CDH23: variants seen among roughly 807,000 people sequenced by gnomAD.
The protein encoded by CDH23 is cadherin-23.
Under a neutral mutation model 317.1 loss-of-function variants are expected in CDH23, and 189 were observed. That is an observed-to-expected ratio of 0.60 (90% CI 0.53 to 0.67). The LOEUF (loss-of-function observed/expected upper bound fraction) is 0.67. Ranked by LOEUF, CDH23 falls within the 30% of genes least tolerant of loss-of-function variation. The pLI is 0.00. For missense variants in CDH23, 4,401 were observed against 4,592.4 expected, an observed-to-expected ratio of 0.96 and a Z score of 1.20; for synonymous variants, 1,839 against 1,876.8, an observed-to-expected ratio of 0.98 and a Z score of 0.52.
At chr10:71,502,478 G>A (rs987133121) in intron 3 of CDH23, among the ~76,000 whole-genome samples, 3 of 152,302 alleles carry the variant, frequency 2.0e-5, no homozygotes, top group Non-Finnish European at 4.4e-5. Flanking sequence ...TGAGGGATGG[G>A]GAAGAGGAGA....
intron 1 of CDH23, among the ~76,000 whole-genome samples, chr10:71,418,165 A>G (rs1376820371): frequency 6.6e-6 from 1 of 152,106 alleles, no homozygotes; most frequent in African/African-American, 2.4e-5. Flanking sequence ...TGAGTCACCT[A>G]TGGGCTTGTT....
At chr10:71,767,777 C>T (rs568522873) in intron 38 of CDH23, among the ~76,000 whole-genome samples, 1 of 152,328 alleles carries the variant, frequency 6.6e-6, no homozygotes, top group South Asian at 2.1e-4. Context: ...TGATACCTGC[C>T]CCCGCAGGAA....
chr10:71,812,410 T>C, intron 66 of CDH23, 70 bp from the exon 67 acceptor site: 1 of 1,608,678 alleles, frequency 6.2e-7, no homozygotes, highest in African/African-American at 1.3e-5. Context: ...GGATGTGGGG[T>C]GAGGCTGGAA....
intron 6 of CDH23, among the ~76,000 whole-genome samples, chr10:71,561,437 C>A (rs1371619518): frequency 6.6e-6 from 1 of 152,116 alleles, no homozygotes; most frequent in Non-Finnish European, 1.5e-5. Context: ...AGCAACCTAG[C>A]CACCTCTGGA....
intron 6 of CDH23, among the ~76,000 whole-genome samples, chr10:71,556,031 G>A (rs1170466673): frequency 6.6e-6 from 1 of 152,218 alleles, no homozygotes; most frequent in South Asian, 2.1e-4. Flanking sequence ...CCAAAGGAAG[G>A]CAGGTCAAAA....
chr10:71,550,579 A>AAAAAAAAAAAAAAAAAAAAAG (rs1564647432), intron 6 of CDH23, among the ~76,000 whole-genome samples: 9 of 121,208 alleles, frequency 7.4e-5, no homozygotes, highest in East Asian at 2.5e-4. Context: ...AAAAAAAAAG[A>AAAAAAAAAAAAAAAAAAAAAG]AAAAAGAAAA....
rs941177596 is a variant in CDH23 at position 71,806,173 on chromosome 10, C to G, written c.8070C>G (p.Ile2690Met). ...DRESQAVYSL[I>M]LVASDLGQPV... Reference sequence around the variant, plus strand: ...CTGTGCTCTTCCGCTCCTAGCTCATCTTGGTGGCCAGCGACCTGGGCCAGC... The same window carrying G: ...CTGTGCTCTTCCGCTCCTAGCTCATGTTGGTGGCCAGCGACCTGGGCCAGC... The change falls in exon 57 of 70, where the codon ATC becomes ATG. Residue 2690 changes from isoleucine to methionine, a missense_variant. Around this residue, in one of 3 missense-constraint regions of CDH23, gnomAD observed 1,144 missense variants for 1,138.2 expected, o/e 1.01. Coordinates refer to ENST00000224721, the MANE Select transcript of CDH23 (RefSeq NM_022124.6). 3 of 1,562,398 alleles carry G rather than the reference C, an allele frequency of 1.9e-6. No homozygotes were observed. Among genetic ancestry groups the G allele is most frequent in the Non-Finnish European group, 1.7e-6 (2 of 1,153,874 alleles).
intron 38 of CDH23, among the ~76,000 whole-genome samples, chr10:71,742,194 A>G (rs1437992375): frequency 1.3e-5 from 2 of 152,130 alleles, no homozygotes; most frequent in African/African-American, 2.4e-5. Flanking sequence ...GAGCAGCTCT[A>G]TGGGGTGGTA....
chr10:71,507,917 C>A (rs1853736067), intron 3 of CDH23, among the ~76,000 whole-genome samples: 1 of 152,210 alleles, frequency 6.6e-6, no homozygotes, highest in Non-Finnish European at 1.5e-5. Context: ...TTGTGGCTCA[C>A]CATTGTGCTT....
intron 6 of CDH23, among the ~76,000 whole-genome samples, chr10:71,515,035 C>T (rs753010395): frequency 4.6e-5 from 7 of 152,236 alleles, no homozygotes; most frequent in African/African-American, 7.2e-5. Flanking sequence ...AGGGCCACCC[C>T]CTCAGCCCTC....
At chr10:71,583,245 G>A (rs1223978748) in intron 9 of CDH23, among the ~76,000 whole-genome samples, 3 of 152,144 alleles carry the variant, frequency 2.0e-5, no homozygotes, top group East Asian at 1.9e-4. Flanking sequence ...CAGGGGAGGC[G>A]GGGTGGGGGC....
chr10:71,435,002 G>T (rs957553072), intron 1 of CDH23, among the ~76,000 whole-genome samples: 2 of 152,190 alleles, frequency 1.3e-5, no homozygotes, highest in African/African-American at 4.8e-5. Context: ...GGCTCGCTGA[G>T]TAGATGCCAC....
At chr10:71,451,468 T>C (rs2132036057) in intron 3 of CDH23, among the ~76,000 whole-genome samples, 1 of 152,314 alleles carries the variant, frequency 6.6e-6, no homozygotes, top group African/African-American at 2.4e-5. Context: ...TCGCTAGCTC[T>C]ACTTCATCTG....
In CDH23 at chr10:71,809,984, GAGATC is replaced by G; in HGVS notation, c.8888_8892del (p.Glu2963AlafsTer26). ...CCAGCGCGTCAAGATCGTCATTAAC[GAGATC>G]CCCGACCGTGTGCGCGGCTTCGAGG... On this transcript the variant is annotated frameshift_variant, in exon 61 of 70. Coordinates refer to ENST00000224721, the MANE Select transcript of CDH23 (RefSeq NM_022124.6). LOFTEE classifies it high-confidence loss of function. 6.2e-7 allele frequency: 1 copy of G among 1,612,126 alleles called. No homozygotes were observed. The highest frequency in any genetic ancestry group is 8.5e-7 in the Non-Finnish European group (1 of 1,179,876).
At chr10:71,697,658 T>A (rs1206954259) in intron 22 of CDH23, among the ~76,000 whole-genome samples, 1 of 151,258 alleles carries the variant, frequency 6.6e-6, no homozygotes, top group Non-Finnish European at 1.5e-5. Flanking sequence ...AGTGACAGAG[T>A]GAGACCCTGT....
intron 1 of CDH23, among the ~76,000 whole-genome samples, chr10:71,409,481 G>A (rs972132421): frequency 3.3e-5 from 5 of 152,174 alleles, no homozygotes; most frequent in South Asian, 4.1e-4. Flanking sequence ...GACGGAGGAT[G>A]GGGAGGCGCT....
intron 6 of CDH23, among the ~76,000 whole-genome samples, chr10:71,521,871 C>T (rs1358987400): frequency 5.3e-5 from 8 of 152,226 alleles, no homozygotes; most frequent in Non-Finnish European, 8.8e-5. Flanking sequence ...GACCTTGGCC[C>T]AGCCTTTCCT....
intron 11 of CDH23, among the ~76,000 whole-genome samples, chr10:71,630,528 A>T (rs1467796838): frequency 6.6e-6 from 1 of 152,166 alleles, no homozygotes; most frequent in Non-Finnish European, 1.5e-5. Context: ...GTTAAGAGTG[A>T]CTGCACAAGG....
At chr10:71,675,677 T>C (rs1465924919) in intron 15 of CDH23, among the ~76,000 whole-genome samples, 1 of 152,186 alleles carries the variant, frequency 6.6e-6, no homozygotes, top group Non-Finnish European at 1.5e-5. Context: ...CAGACAGCTA[T>C]AAGTGCCGTG....
Sources: allele counts gnomAD v4.1 joint callset (sites outside exome capture counted in the v4.1 genomes callset), GRCh38; gene constraint gnomAD v4.1.1; regional missense constraint gnomAD v4.1.1; transcripts MANE v1.5; gene names NCBI Gene and HGNC (gene_info 2026-07-23, HGNC 2026-07-21).